LRGUK: variants seen among roughly 807,000 people sequenced by gnomAD.
LRGUK encodes leucine-rich repeat and guanylate kinase domain-containing protein.
In LRGUK, 65 loss-of-function variants were observed where a neutral mutation model predicts 76.0. The ratio of observed to expected loss-of-function variants is 0.85; its 90% CI spans 0.70 to 1.05. The LOEUF (loss-of-function observed/expected upper bound fraction) is 1.05, where lower values mean the gene tolerates loss of function less well. Among genes scored for constraint, LRGUK ranks in the 50% least tolerant of loss-of-function variants. The pLI, the probability that LRGUK is intolerant of heterozygous loss-of-function variation, is 0.00. For synonymous variants in LRGUK, 268 were observed against 265.6 expected (o/e 1.01, Z -0.09); for missense variants, 758 against 732.8 (o/e 1.03, Z -0.40).
At chr7:134,225,008 C>T (rs1397984063) in intron 16 of LRGUK, among the ~76,000 whole-genome samples, 3 of 150,846 alleles carry the variant, frequency 2.0e-5, no homozygotes, top group Non-Finnish European at 2.9e-5. Flanking sequence ...GCGGAGATCT[C>T]GCCACTGCAC....
At chr7:134,243,783 A>G (rs1802223631) in intron 16 of LRGUK, among the ~76,000 whole-genome samples, 1 of 152,034 alleles carries the variant, frequency 6.6e-6, no homozygotes, top group South Asian at 2.1e-4. Context: ...GAGGCATCAC[A>G]CTACCTGACT....
exon 4 of LRGUK, chr7:134,143,099 A>T (rs1348501031): frequency 1.1e-5 from 18 of 1,610,136 alleles, no homozygotes; most frequent in South Asian, 2.2e-5. Flanking sequence ...ATCTCCTAGA[A>T]CTTAATGCTT....
chr7:134,188,798 G>A (rs1378323912), intron 11 of LRGUK, among the ~76,000 whole-genome samples: 3 of 152,064 alleles, frequency 2.0e-5, no homozygotes, highest in Non-Finnish European at 2.9e-5. Context: ...GAATTCAGAT[G>A]TGCTCAGAGC....
At chr7:134,255,715 A>G (rs1269121547) in intron 18 of LRGUK, among the ~76,000 whole-genome samples, 1 of 152,064 alleles carries the variant, frequency 6.6e-6, no homozygotes, top group East Asian at 1.9e-4. Flanking sequence ...AAGGTCCTAT[A>G]TTTGCATTTC....
At chr7:134,139,255 C>T (rs552772643) in intron 2 of LRGUK, among the ~76,000 whole-genome samples, 181 bp from the exon 3 acceptor site, 4 of 151,008 alleles carry the variant, frequency 2.6e-5, no homozygotes, top group Non-Finnish European at 5.9e-5. Context: ...AAAGGAAGGG[C>T]TTTTTTTTTA....
intron 19 of LRGUK, among the ~76,000 whole-genome samples, chr7:134,263,358 T>A (rs927691568): frequency 8.1e-6 from 1 of 123,218 alleles, no homozygotes; most frequent in Non-Finnish European, 1.9e-5. Flanking sequence ...AGACCAATCT[T>A]TAGAGGGCAT....
intron 16 of LRGUK, among the ~76,000 whole-genome samples, chr7:134,241,596 A>G (rs1426983900): frequency 6.6e-6 from 1 of 152,204 alleles, no homozygotes; most frequent in African/African-American, 2.4e-5. Context: ...ACTCCCACAA[A>G]ATAATAATGG....
chr7:134,210,289 A>G (rs1182580455), downstream of LRGUK: 3 of 398,730 alleles, frequency 7.5e-6, no homozygotes, highest in Admixed American at 4.4e-5. Flanking sequence ...AAATTAGGCC[A>G]TCTGAGCAAC....
chr7:134,249,537 G>A (rs745743999), intron 18 of LRGUK, among the ~76,000 whole-genome samples: 10 of 152,140 alleles, frequency 6.6e-5, no homozygotes, highest in Non-Finnish European at 1.5e-4. Flanking sequence ...GTACCCCATA[G>A]CCTTCCACTA....
exon 1 of LRGUK, chr7:134,127,469 A>G: frequency 6.2e-7 from 1 of 1,614,012 alleles, no homozygotes; most frequent in Non-Finnish European, 8.5e-7. Flanking sequence ...AGTTTCGCGC[A>G]GAAAAAGAGC....
intron 5 of LRGUK, among the ~76,000 whole-genome samples, chr7:134,151,027 C>T (rs1173700610): frequency 2.0e-5 from 3 of 152,152 alleles, no homozygotes; most frequent in African/African-American, 7.2e-5. Flanking sequence ...TCTTAGATCT[C>T]TTGCAGTTTT....
chr7:134,244,632 G>A (rs1802246303), intron 16 of LRGUK, among the ~76,000 whole-genome samples: 1 of 152,198 alleles, frequency 6.6e-6, no homozygotes, highest in South Asian at 2.1e-4. Context: ...CAACCATTGT[G>A]GAAGACAGTG....
intron 12 of LRGUK, among the ~76,000 whole-genome samples, chr7:134,194,343 T>A (rs1258547589): frequency 6.6e-6 from 1 of 152,152 alleles, no homozygotes; most frequent in Non-Finnish European, 1.5e-5. Context: ...AAAAAAAACT[T>A]ACAGTATATA....
chr7:134,146,043 C>G (rs1041533086), intron 4 of LRGUK, among the ~76,000 whole-genome samples: 1 of 152,116 alleles, frequency 6.6e-6, no homozygotes. Context: ...GAGGCTGACA[C>G]GGGTGGATCA....
intron 7 of LRGUK, among the ~76,000 whole-genome samples, chr7:134,171,411 A>G (rs1563159773): frequency 6.6e-6 from 1 of 151,712 alleles, no homozygotes. Flanking sequence ...GTGTGTATAT[A>G]TAACATATAT....
intron 16 of LRGUK, 86 bp downstream of exon 16, chr7:134,222,004 A>G: frequency 7.8e-7 from 1 of 1,278,164 alleles, no homozygotes. Context: ...TGAGACTAAT[A>G]AGTTTCCCCA....
intron 4 of LRGUK, among the ~76,000 whole-genome samples, chr7:134,145,279 T>A (rs1283475991): frequency 6.6e-6 from 1 of 151,976 alleles, no homozygotes; most frequent in African/African-American, 2.4e-5. Context: ...TGGAGTCTCA[T>A]GCTTGTTGCC....
downstream of LRGUK, among the ~76,000 whole-genome samples, chr7:134,265,955 C>T (rs562078259): frequency 6.6e-6 from 1 of 152,308 alleles, no homozygotes; most frequent in Non-Finnish European, 1.5e-5. Flanking sequence ...AGGTGCCTCT[C>T]CCCCTCCCAG....
chr7:134,163,115 T>TA (rs1798820554), intron 6 of LRGUK, among the ~76,000 whole-genome samples: 1 of 152,234 alleles, frequency 6.6e-6, no homozygotes, highest in Non-Finnish European at 1.5e-5. Flanking sequence ...AACCTTATAT[T>TA]ACCTGCCTTT....
Sources: gnomAD v4.1 joint callset for allele counts (sites outside exome capture counted in the v4.1 genomes callset) on GRCh38, gnomAD v4.1.1 for gene constraint, MANE v1.5 for transcripts, NCBI Gene and HGNC (gene_info 2026-07-23, HGNC 2026-07-21) for gene names.